DSCAM: variants seen among roughly 807,000 people sequenced by gnomAD.
DSCAM encodes DS cell adhesion molecule, also known as cell adhesion molecule DSCAM.
In DSCAM, 47 loss-of-function variants were observed where a neutral mutation model predicts 217.7. The observed-to-expected ratio is 0.22, with a 90% CI of 0.17 to 0.28. DSCAM has a LOEUF of 0.28. Among genes scored for constraint, DSCAM ranks in the 10% least tolerant of loss-of-function variants. DSCAM has a pLI of 1.00. For missense variants in DSCAM, 2,080 were observed against 2,618.3 expected (o/e 0.79, Z 4.49); for synonymous variants, 1,056 against 1,015.3 (o/e 1.04, Z -0.76).
chr21:40,714,834 G>C (rs2090824628), intron 1 of DSCAM, among the ~76,000 whole-genome samples: 1 of 152,206 alleles, frequency 6.6e-6, no homozygotes, highest in Non-Finnish European at 1.5e-5. Context: ...CGATTTGAAT[G>C]TTCCTGCCAA....
At chr21:40,201,520 C>A (rs999828655) in intron 11 of DSCAM, among the ~76,000 whole-genome samples, 3 of 152,158 alleles carry the variant, frequency 2.0e-5, no homozygotes, top group African/African-American at 7.2e-5. Flanking sequence ...CAGCTCGCTG[C>A]AACCTCTGCC....
chr21:40,589,760 G>T (rs946672956), intron 3 of DSCAM, among the ~76,000 whole-genome samples: 1 of 152,160 alleles, frequency 6.6e-6, no homozygotes, highest in Admixed American at 6.5e-5. Flanking sequence ...TTGCAATCTA[G>T]CATGTGCGGT....
At chr21:40,198,420 A>G (rs560902095) in intron 11 of DSCAM, among the ~76,000 whole-genome samples, 35 of 152,128 alleles carry the variant, frequency 2.3e-4, no homozygotes, top group African/African-American at 7.5e-4. Flanking sequence ...CATGTGCCCC[A>G]CCACATGCCT....
intron 3 of DSCAM, among the ~76,000 whole-genome samples, chr21:40,623,872 G>T (rs1406330351): frequency 6.6e-6 from 1 of 152,160 alleles, no homozygotes; most frequent in African/African-American, 2.4e-5. Flanking sequence ...TGCTGTAAAA[G>T]CTTACCCATA....
chr21:40,028,161 C>T (rs541717205), intron 32 of DSCAM, among the ~76,000 whole-genome samples: 154 of 95,394 alleles, frequency 1.6e-3, no homozygotes, highest in Admixed American at 2.6e-3. Flanking sequence ...GGGTGCCTCC[C>T]AGTTAGGCTG....
At chr21:40,439,898 T>C (rs1006532042) in intron 3 of DSCAM, among the ~76,000 whole-genome samples, 2 of 152,118 alleles carry the variant, frequency 1.3e-5, no homozygotes, top group Admixed American at 1.3e-4. Context: ...ACCAGGTCCC[T>C]CCCACAACAC....
chr21:40,167,398 A>T, intron 15 of DSCAM, 110 bp from the exon 16 acceptor site: 1 of 902,382 alleles, frequency 1.1e-6, no homozygotes. Context: ...TGTTTGGCAC[A>T]GAGAAAGAAG....
intron 20 of DSCAM, among the ~76,000 whole-genome samples, chr21:40,095,342 C>T (rs2089662964): frequency 6.6e-6 from 1 of 152,062 alleles, no homozygotes; most frequent in African/African-American, 2.4e-5. Context: ...TGGAGCCAAG[C>T]CATATCAGAG....
chr21:40,237,047 GAACA>G (rs1192669454), intron 11 of DSCAM, among the ~76,000 whole-genome samples: 1 of 152,184 alleles, frequency 6.6e-6, no homozygotes, highest in Non-Finnish European at 1.5e-5. Flanking sequence ...CAGGTTTGCT[GAACA>G]AACACTGCAA....
chr21:40,369,382 C>CTGCG (rs2123698683), intron 3 of DSCAM, 137 bp from the exon 4 acceptor site: 5 of 508,730 alleles, frequency 9.8e-6, no homozygotes, highest in South Asian at 2.7e-5. Flanking sequence ...GTGCGTGCGT[C>CTGCG]TGCGTGTGTG....
chr21:40,637,506 T>C lies in DSCAM; in HGVS notation c.508+55304A>G, dbSNP rs868025626. Among the ~76,000 whole-genome samples, 243 of 46,956 alleles carry C rather than the reference T, an allele frequency of 5.2e-3. 60 individuals carry two copies. The highest frequency in any genetic ancestry group is 0.046 in the Middle Eastern group (5 of 108). 30.8% of individuals were successfully genotyped at this position (46,956 alleles called of 152,430 possible). ...ATATATAAAAATATATAAATATATA[T>C]AAATATATAAATATATATAAATATA... On this transcript the variant is annotated intron_variant, in intron 3 of 32. Transcript: ENST00000400454.
intron 3 of DSCAM, chr21:40,513,358 T>G (rs139017326): frequency 6.6e-6 from 1 of 152,164 alleles, no homozygotes; most frequent in South Asian, 2.1e-4. Flanking sequence ...ACTATGCATA[T>G]ATGTCTTAGT....
At chr21:40,031,520 T>A (rs1312216991) in intron 32 of DSCAM, among the ~76,000 whole-genome samples, 1 of 152,174 alleles carries the variant, frequency 6.6e-6, no homozygotes, top group African/African-American at 2.4e-5. Context: ...CAGAATAGTG[T>A]GTATCAAAGA....
chr21:40,611,181 C>A (rs985241057), intron 3 of DSCAM, among the ~76,000 whole-genome samples: 32 of 151,228 alleles, frequency 2.1e-4, no homozygotes, highest in Non-Finnish European at 4.1e-4. Context: ...GCCTCAGCCT[C>A]CCGGGTAGCT....
chr21:40,026,773 C>A (rs945712784), intron 32 of DSCAM, among the ~76,000 whole-genome samples: 1 of 142,226 alleles, frequency 7.0e-6, no homozygotes, highest in Non-Finnish European at 1.5e-5. Context: ...TGTCTCTGCA[C>A]GTGAGATGGG....
chr21:40,113,343 C>T (rs1049517261), intron 20 of DSCAM, among the ~76,000 whole-genome samples: 3 of 152,070 alleles, frequency 2.0e-5, no homozygotes. Flanking sequence ...GCAGAAAAGG[C>T]CTTTGACAAA....
intron 3 of DSCAM, among the ~76,000 whole-genome samples, chr21:40,599,772 A>T (rs1048852654): frequency 9.9e-5 from 15 of 152,218 alleles, no homozygotes; most frequent in Admixed American, 9.8e-4. Flanking sequence ...GATAAAGGGG[A>T]TATCACCACT....
At chr21:40,605,007 T>C (rs772838823) in intron 3 of DSCAM, among the ~76,000 whole-genome samples, 5 of 152,322 alleles carry the variant, frequency 3.3e-5, no homozygotes, top group East Asian at 1.9e-4. Context: ...GGTTTTCTTA[T>C]AGAGAATGCA....
intron 3 of DSCAM, among the ~76,000 whole-genome samples, chr21:40,501,056 C>T (rs1353326224): frequency 6.6e-6 from 1 of 152,122 alleles, no homozygotes; most frequent in Non-Finnish European, 1.5e-5. Flanking sequence ...CTTCATACAG[C>T]CTAAAGGTAG....
Sources: gnomAD v4.1 joint callset for allele counts (sites outside exome capture counted in the v4.1 genomes callset) on GRCh38, gnomAD v4.1.1 for gene constraint, MANE v1.5 for transcripts, NCBI Gene and HGNC (gene_info 2026-07-23, HGNC 2026-07-21) for gene names.